The following PGM5 variants were observed in gnomAD, a reference collection of about 807,000 sequenced individuals.
PGM5 encodes phosphoglucomutase-like protein 5.
PGM5 carries 23 observed loss-of-function variants against 59.2 expected under a neutral mutation model. That is an observed-to-expected ratio of 0.39 (90% CI 0.28 to 0.55). The LOEUF is 0.55. PGM5 is among the 20% of genes least tolerant of loss of function. The probability of loss-of-function intolerance (pLI) is 0.66; values close to 1 mark genes in which losing one functional copy is unlikely to be tolerated. For synonymous variants in PGM5, 214 were observed against 286.0 expected, an observed-to-expected ratio of 0.75 and a Z score of 2.54; for missense variants, 574 against 748.3, an observed-to-expected ratio of 0.77 and a Z score of 2.72.
Position 68,529,617 on chromosome 9 carries a change from T to A in PGM5, c.1665T>A (p.His555Gln). ...IAIALKISQI[H>Q]ERTGRRGPTV... ...TCGCACTGAAAATATCCCAGATTCATGAGAGAACTGGCCGGAGGGGACCCA... is the reference window on the plus strand; with the variant it reads ...TCGCACTGAAAATATCCCAGATTCAAGAGAGAACTGGCCGGAGGGGACCCA... Residue 555 changes from histidine to glutamine, a missense_variant, in exon 11 of 11, where the codon CAT (histidine) becomes CAA (glutamine). By Grantham distance (24) the His-to-Gln change is conservative. Coordinates refer to ENST00000396396, the MANE Select transcript of PGM5 (RefSeq NM_021965.4). 2 of 1,599,990 alleles carry A rather than the reference T, an allele frequency of 1.3e-6. No individual in the cohort carries two copies. Among genetic ancestry groups the A allele is most frequent in the Admixed American group, 1.7e-5 (1 of 59,220 alleles).
chr9:68,469,263 C>T (rs1207301046), intron 7 of PGM5, among the ~76,000 whole-genome samples: 1 of 152,160 alleles, frequency 6.6e-6, no homozygotes, highest in Admixed American at 6.5e-5. Context: ...TGTCAATAGT[C>T]ATACAAATTT....
chr9:68,374,003 G>A lies in PGM5; in HGVS notation c.262-4196G>A, dbSNP rs376907772. The stretch of plus-strand genomic sequence containing the variant: ...TTCTCATACTAGTTTATCACCCATT[G>A]TCCAAATGCACCATGTGGCCACACC... On this transcript the variant is annotated intron_variant, in intron 1 of 10. Coordinates refer to ENST00000396396, the MANE Select transcript of PGM5 (RefSeq NM_021965.4). Among the ~76,000 whole-genome samples the A allele has an allele frequency of 2.0e-5, 3 of 152,274 alleles. No individual in the cohort carries two copies. In the East Asian group the frequency reaches 5.8e-4, roughly 29 times the overall value.
intron 10 of PGM5, among the ~76,000 whole-genome samples, chr9:68,525,881 C>G (rs1824964482): frequency 6.6e-6 from 1 of 152,088 alleles, no homozygotes; most frequent in Non-Finnish European, 1.5e-5. Context: ...ACTGTGAAAC[C>G]TCATCTCTAC....
chr9:68,493,738 C>T (rs782117793), intron 9 of PGM5, among the ~76,000 whole-genome samples: 1 of 152,176 alleles, frequency 6.6e-6, no homozygotes, highest in Admixed American at 6.5e-5. Flanking sequence ...AGCATTCTAG[C>T]CTGAGTTTAT....
chr9:68,494,702 A>G (rs1554688063), intron 9 of PGM5, among the ~76,000 whole-genome samples: 1 of 152,144 alleles, frequency 6.6e-6, no homozygotes, highest in African/African-American at 2.4e-5. Context: ...CCATGGTTCA[A>G]CTCCATTGTT....
chr9:68,423,182 C>T (rs1288502222), intron 6 of PGM5, among the ~76,000 whole-genome samples: 1 of 152,214 alleles, frequency 6.6e-6, no homozygotes, highest in African/African-American at 2.4e-5. Flanking sequence ...CTGCTATAAA[C>T]ATGCATGTGC....
chr9:68,377,872 G>A (rs1554677948), intron 1 of PGM5, among the ~76,000 whole-genome samples: 1 of 152,076 alleles, frequency 6.6e-6, no homozygotes, highest in Non-Finnish European at 1.5e-5. Flanking sequence ...TTCTGAGTCA[G>A]TAGCAAACTA....
At chr9:68,428,077 G>A (rs552268622) in intron 6 of PGM5, among the ~76,000 whole-genome samples, 12 of 152,116 alleles carry the variant, frequency 7.9e-5, no homozygotes, top group Non-Finnish European at 1.6e-4. Context: ...ACACTTTATG[G>A]CTATCCATTG....
chr9:68,460,733 T>C (rs1823846327), intron 6 of PGM5, among the ~76,000 whole-genome samples: 1 of 152,196 alleles, frequency 6.6e-6, no homozygotes, highest in Non-Finnish European at 1.5e-5. Flanking sequence ...TATTTATTAG[T>C]CAACTGAAAT....
intron 10 of PGM5, among the ~76,000 whole-genome samples, chr9:68,521,798 A>G (rs761829657): frequency 6.6e-6 from 1 of 152,224 alleles, no homozygotes; most frequent in Non-Finnish European, 1.5e-5. Flanking sequence ...ATTTAAACTG[A>G]CAACTCTTGC....
At chr9:68,371,839 A>C (rs1204432142) in intron 1 of PGM5, 1 of 152,220 alleles carries the variant, frequency 6.6e-6, no homozygotes, top group East Asian at 1.9e-4. Flanking sequence ...AGAAGAGAAG[A>C]CATAGACACG....
At chr9:68,376,930 T>C (rs1821935101) in intron 1 of PGM5, among the ~76,000 whole-genome samples, 1 of 151,136 alleles carries the variant, frequency 6.6e-6, no homozygotes, top group Non-Finnish European at 1.5e-5. Flanking sequence ...TTCTTTCTTC[T>C]TTCTTTCTTT....
At chr9:68,361,673 AT>A (rs1400884655) in intron 1 of PGM5, among the ~76,000 whole-genome samples, 3 of 152,208 alleles carry the variant, frequency 2.0e-5, no homozygotes, top group Non-Finnish European at 4.4e-5. Context: ...AAGGGCACTA[AT>A]TCCAATCATG....
chr9:68,524,807 A>T (rs1362201359), intron 10 of PGM5, among the ~76,000 whole-genome samples: 1 of 152,194 alleles, frequency 6.6e-6, no homozygotes, highest in Non-Finnish European at 1.5e-5. Flanking sequence ...GCAGAACTGT[A>T]TGATGGAAAA....
chr9:68,529,898 C>T lies in PGM5; in HGVS notation c.*242C>T, dbSNP rs1011934629. On this transcript the variant is annotated 3_prime_UTR_variant, in exon 11 of 11. Coordinates refer to ENST00000396396, the MANE Select transcript of PGM5 (RefSeq NM_021965.4). ...TTAAAGCTGCACTATAATTTGGTAT[C>T]TACATTTTATCACACAAAGGAACCT... The T allele has an allele frequency of 2.7e-6, 1 of 371,738 alleles. No individual in the cohort carries two copies. Among genetic ancestry groups the T allele is most frequent in the African/African-American group, 2.2e-5 (1 of 46,416 alleles). The allele number at this position is 371,738 out of a possible 1,614,324, so 23.0% of individuals were successfully genotyped here.
intron 1 of PGM5, among the ~76,000 whole-genome samples, chr9:68,367,523 T>C (rs1434916088): frequency 6.6e-6 from 1 of 152,240 alleles, no homozygotes; most frequent in Non-Finnish European, 1.5e-5. Context: ...AGGATGTTTG[T>C]TCAGGGGGCC....
intron 1 of PGM5, among the ~76,000 whole-genome samples, chr9:68,371,859 A>G (rs1333147870): frequency 6.6e-6 from 1 of 151,890 alleles, no homozygotes; most frequent in Non-Finnish European, 1.5e-5. Context: ...GCAGAGAAGA[A>G]GACGTGAAAA....
chr9:68,374,207 T>C (rs1821816324), intron 1 of PGM5, among the ~76,000 whole-genome samples: 2 of 152,338 alleles, frequency 1.3e-5, no homozygotes, highest in South Asian at 4.1e-4. Flanking sequence ...GAACAAAAGC[T>C]ACAAACATTT....
At chr9:68,377,267 T>C (rs539375981) in intron 1 of PGM5, among the ~76,000 whole-genome samples, 2 of 152,252 alleles carry the variant, frequency 1.3e-5, no homozygotes, top group East Asian at 3.9e-4. Context: ...GATGCCCATG[T>C]TGCCAGCCCT....
Sources: gnomAD v4.1 joint callset for allele counts (sites outside exome capture counted in the v4.1 genomes callset) on GRCh38, gnomAD v4.1.1 for gene constraint, MANE v1.5 for transcripts, NCBI Gene and HGNC (gene_info 2026-07-23, HGNC 2026-07-21) for gene names.